SIGLEC15: variants seen among roughly 807,000 people sequenced by gnomAD.
SIGLEC15 encodes the protein sialic acid binding Ig like lectin 15, also known as sialic acid-binding Ig-like lectin 15.
Under a neutral mutation model 26.2 loss-of-function variants are expected in SIGLEC15, and 31 were observed. The ratio of observed to expected loss-of-function variants is 1.18; its 90% CI spans 0.89 to 1.60. The LOEUF (loss-of-function observed/expected upper bound fraction) is 1.60. Ranked by LOEUF, SIGLEC15 falls within the 40% of genes most tolerant of loss-of-function variation. SIGLEC15 has a pLI of 0.00. For synonymous variants in SIGLEC15, 207 were observed against 221.9 expected, an observed-to-expected ratio of 0.93 and a Z score of 0.60; for missense variants, 501 against 488.4, an observed-to-expected ratio of 1.03 and a Z score of -0.24.
At chr18:45,832,787 C>T (rs1056719299) in intron 1 of SIGLEC15, among the ~76,000 whole-genome samples, 3 of 152,184 alleles carry the variant, frequency 2.0e-5, no homozygotes, top group Admixed American at 6.5e-5. Flanking sequence ...GTAAATGTCA[C>T]AGGATGCTGG....
At chr18:45,826,976 G>A (rs1201867536) in intron 1 of SIGLEC15, among the ~76,000 whole-genome samples, 9 of 152,276 alleles carry the variant, frequency 5.9e-5, no homozygotes, top group Middle Eastern at 3.4e-3. Flanking sequence ...GTGCAGTGGC[G>A]CAATCTCAGC....
chr18:45,825,706 T>C lies in SIGLEC15; in HGVS notation c.-23T>C, dbSNP rs1361291671. On this transcript the variant is annotated 5_prime_UTR_variant, in exon 1 of 6. Coordinates refer to ENST00000389474, the MANE Select transcript of SIGLEC15 (RefSeq NM_213602.3). ...GAGGTGGCCGAGAGCGGGTCTGGCC[T>C]GGGGTGTTCAGATGCTCACAGCATG... 3 of 1,614,036 alleles carry C rather than the reference T, an allele frequency of 1.9e-6. No homozygotes were observed. The highest frequency in any genetic ancestry group is 2.5e-6 in the Non-Finnish European group (3 of 1,179,914).
intron 4 of SIGLEC15, among the ~76,000 whole-genome samples, chr18:45,839,408 T>C (rs2145075241): frequency 6.6e-6 from 1 of 152,280 alleles, no homozygotes; most frequent in South Asian, 2.1e-4. Flanking sequence ...AAACGATTCC[T>C]CTGGAGGGGC....
rs567302861 is a variant in SIGLEC15 at position 45,843,553 on chromosome 18, G to T, written c.*1366G>T. The T allele has an allele frequency of 6.6e-6, 1 of 152,336 alleles. No homozygotes were observed. Among genetic ancestry groups the T allele is most frequent in the South Asian group, 2.1e-4 (1 of 4,830 alleles). The allele number at this position is 152,336 out of a possible 1,614,324, so 9.4% of individuals were successfully genotyped here. A position where few individuals can be genotyped will look rare whatever the true frequency, so the allele number is the denominator to read the frequency against. On this transcript the variant is annotated 3_prime_UTR_variant, in exon 6 of 6. Coordinates refer to ENST00000389474, the MANE Select transcript of SIGLEC15 (RefSeq NM_213602.3). ...ATTGGTGGGAATGTAAATTAGTATAGCCACTATGGAGAACAGTACAGTTTC... is the reference window on the plus strand; with the variant it reads ...ATTGGTGGGAATGTAAATTAGTATATCCACTATGGAGAACAGTACAGTTTC...
rs2048334103 is a variant in SIGLEC15 at position 45,842,475 on chromosome 18, T to C, written c.*288T>C. The stretch of plus-strand genomic sequence containing the variant: ...AGAGAGAGAGAGTACACGCATTAGC[T>C]TGAGCGTGAAACTTCCAGAAATGTT... On this transcript the variant is annotated 3_prime_UTR_variant, in exon 6 of 6. Coordinates refer to ENST00000389474, the MANE Select transcript of SIGLEC15 (RefSeq NM_213602.3). 6 of 376,418 alleles carry C rather than the reference T, an allele frequency of 1.6e-5. No individual in the cohort carries two copies. In the South Asian group the frequency reaches 2.8e-4, roughly 17 times the overall value. 23.3% of individuals were successfully genotyped at this position (376,418 alleles called of 1,614,324 possible).
At chr18:45,834,984 G>C (rs2048265123) in intron 1 of SIGLEC15, among the ~76,000 whole-genome samples, 1 of 152,068 alleles carries the variant, frequency 6.6e-6, no homozygotes, top group South Asian at 2.1e-4. Flanking sequence ...TTTGGAGCAA[G>C]GTTCTTTGAT....
At chr18:45,836,909 G>C (rs1312945324) in intron 1 of SIGLEC15, 120 bp from the exon 2 acceptor site, 2 of 667,590 alleles carry the variant, frequency 3.0e-6, no homozygotes, top group African/African-American at 3.6e-5. Flanking sequence ...GCAGGCTGTA[G>C]AGTGAGGCGA....
intron 5 of SIGLEC15, 94 bp downstream of exon 5, chr18:45,840,335 G>C: frequency 2.2e-6 from 3 of 1,360,494 alleles, no homozygotes; most frequent in Non-Finnish European, 3.0e-6. Flanking sequence ...AAATGGCAAA[G>C]GGCTGGGGCT....
At chr18:45,842,013 T>C in intron 5 of SIGLEC15, 93 bp from the exon 6 acceptor site, 2 of 1,145,024 alleles carry the variant, frequency 1.7e-6, no homozygotes, top group African/African-American at 1.5e-5. Flanking sequence ...CCCCAGAATG[T>C]CTCCTCTTCT....
At chr18:45,833,356 G>GC (rs749089102) in intron 1 of SIGLEC15, among the ~76,000 whole-genome samples, 8 of 152,046 alleles carry the variant, frequency 5.3e-5, no homozygotes, top group Admixed American at 6.5e-5. Flanking sequence ...TCGCTCTGTT[G>GC]CCCAGGCTGG....
chr18:45,825,698 G>T lies in SIGLEC15; in HGVS notation c.-31G>T. On this transcript the variant is annotated 5_prime_UTR_variant, in exon 1 of 6. Transcript: ENST00000389474. ...TCACTGGGGAGGTGGCCGAGAGCGG[G>T]TCTGGCCTGGGGTGTTCAGATGCTC... The T allele has an allele frequency of 1.2e-6, 2 of 1,612,646 alleles. No homozygotes were observed. Among genetic ancestry groups the T allele is most frequent in the South Asian group, 1.1e-5 (1 of 91,042 alleles).
At chr18:45,828,118 C>T (rs1284232236) in intron 1 of SIGLEC15, among the ~76,000 whole-genome samples, 2 of 152,228 alleles carry the variant, frequency 1.3e-5, no homozygotes, top group African/African-American at 4.8e-5. Flanking sequence ...AGGCCACGGC[C>T]TGGGCAGGAG....
Position 45,842,572 on chromosome 18 carries a change from C to A in SIGLEC15, c.*385C>A. The A allele has an allele frequency of 4.9e-6, 1 of 202,232 alleles. No individual in the cohort carries two copies. Among genetic ancestry groups the A allele is most frequent in the South Asian group, 1.1e-4 (1 of 9,446 alleles). 12.5% of individuals were successfully genotyped at this position (202,232 alleles called of 1,614,324 possible). A position where few individuals can be genotyped will look rare whatever the true frequency, so the allele number is the denominator to read the frequency against. The stretch of plus-strand genomic sequence containing the variant: ...GGAAACTGTTTACAGGGCCTGGAGG[C>A]CCAGTCTTGTCCTCCTCTGTCACCG... On this transcript the variant is annotated 3_prime_UTR_variant, in exon 6 of 6. Coordinates refer to ENST00000389474, the MANE Select transcript of SIGLEC15 (RefSeq NM_213602.3).
chr18:45,831,186 G>A lies in SIGLEC15; in HGVS notation c.52+5406G>A, dbSNP rs11665004. Among the ~76,000 whole-genome samples the A allele has an allele frequency of 4.7e-3, 716 of 152,290 alleles. 5 individuals carry two copies. The highest frequency in any genetic ancestry group is 8.0e-3 in the Non-Finnish European group (545 of 68,038). On this transcript the variant is annotated intron_variant, in intron 1 of 5. Transcript: ENST00000389474. ...GCAGTGAACCCCTCCATGGTGCCTC[G>A]GGCCGTCTCTGTGTCCACCTGCTAC...
rs796980093 is a variant in SIGLEC15, at chr18:45,837,151, C to T, written c.112+63C>T. The stretch of plus-strand genomic sequence containing the variant: ...TGGGAGTCTGTTTTAACCACGAGAT[C>T]CCAGGGTTTTTCCACAGGGCAGGTT... On this transcript the variant is annotated intron_variant, in intron 2 of 5. Coordinates refer to ENST00000389474, the MANE Select transcript of SIGLEC15 (RefSeq NM_213602.3). 4.8e-5 allele frequency: 76 copies of T among 1,597,260 alleles called. No homozygotes were observed. In the African/African-American group the frequency reaches 9.8e-4, roughly 21 times the overall value.
chr18:45,829,392 C>T (rs913288245), intron 1 of SIGLEC15, among the ~76,000 whole-genome samples: 1 of 152,212 alleles, frequency 6.6e-6, no homozygotes, highest in Non-Finnish European at 1.5e-5. Context: ...GATCTCCACC[C>T]CATTCTTGCC....
chr18:45,830,500 AT>A (rs759677842), intron 1 of SIGLEC15, among the ~76,000 whole-genome samples: 3 of 152,180 alleles, frequency 2.0e-5, no homozygotes, highest in Non-Finnish European at 4.4e-5. Context: ...ATGAAAGACC[AT>A]CAAGGCATGG....
intron 1 of SIGLEC15, among the ~76,000 whole-genome samples, chr18:45,831,134 T>C (rs1294447160): frequency 1.3e-5 from 2 of 152,182 alleles, no homozygotes; most frequent in Admixed American, 6.5e-5. Context: ...CTGAGGGGCA[T>C]GCCACCAAAG....
chr18:45,834,120 C>T (rs1471156456), intron 1 of SIGLEC15, among the ~76,000 whole-genome samples: 1 of 152,144 alleles, frequency 6.6e-6, no homozygotes, highest in African/African-American at 2.4e-5. Flanking sequence ...TTCGTGCAGT[C>T]CCCTCCCTTT....
Sources: gnomAD v4.1 joint callset for allele counts (sites outside exome capture counted in the v4.1 genomes callset) on GRCh38, gnomAD v4.1.1 for gene constraint, MANE v1.5 for transcripts, NCBI Gene and HGNC (gene_info 2026-07-23, HGNC 2026-07-21) for gene names.